The following SLCO5A1 variants were observed in gnomAD, a reference collection of about 807,000 sequenced individuals.
The protein encoded by SLCO5A1 is solute carrier organic anion transporter family member 5A1.
SLCO5A1 carries 39 observed loss-of-function variants against 65.1 expected under a neutral mutation model. That is an observed-to-expected ratio of 0.60 (90% confidence interval 0.46 to 0.78). SLCO5A1 has a LOEUF of 0.78. Ranked by LOEUF, SLCO5A1 falls within the 30% of genes least tolerant of loss-of-function variation. The pLI, the probability that SLCO5A1 is intolerant of heterozygous loss-of-function variation, is 0.00. For missense variants in SLCO5A1, 1,029 were observed against 1,069.4 expected (o/e 0.96, Z 0.53); for synonymous variants, 438 against 415.7 (o/e 1.05, Z -0.65).
At chr8:69,704,986 C>T in intron 6 of SLCO5A1, 45 bp downstream of exon 6, 1 of 1,568,868 alleles carries the variant, frequency 6.4e-7, no homozygotes, top group Non-Finnish European at 8.7e-7. Flanking sequence ...CAGGGCTTTG[C>T]ACCTCCATCG....
In SLCO5A1 at chr8:69,672,732, G is replaced by GA. The variant is rs1334390386; in HGVS notation, c.*136_*137insT. ...CCAGCCCTCAATGAATAGCGGCTGT[G>GA]TATACTGAGTTTTGTTGGTTTGAGG... On this transcript the variant is annotated 3_prime_UTR_variant, in exon 10 of 10. Coordinates refer to ENST00000260126, the MANE Select transcript of SLCO5A1 (RefSeq NM_030958.3). 3 of 908,800 alleles carry GA rather than the reference G, an allele frequency of 3.3e-6. No individual in the cohort carries two copies. Among genetic ancestry groups the GA allele is most frequent in the Non-Finnish European group, 4.8e-6 (3 of 619,456 alleles). 56.3% of individuals were successfully genotyped at this position (908,800 alleles called of 1,614,324 possible).
intron 2 of SLCO5A1, among the ~76,000 whole-genome samples, chr8:69,772,731 G>A (rs1470467877): frequency 2.0e-5 from 3 of 151,824 alleles, no homozygotes; most frequent in Non-Finnish European, 2.9e-5. Flanking sequence ...GAAACTGAGG[G>A]GCCCAATCAA....
intron 2 of SLCO5A1, among the ~76,000 whole-genome samples, chr8:69,785,575 A>G (rs1471635528): frequency 6.6e-6 from 1 of 152,232 alleles, no homozygotes; most frequent in African/African-American, 2.4e-5. Flanking sequence ...TATCTGAAAT[A>G]TAAGTTTAGT....
intron 5 of SLCO5A1, among the ~76,000 whole-genome samples, chr8:69,730,445 G>C (rs1438828195): frequency 1.3e-5 from 2 of 152,184 alleles, no homozygotes; most frequent in East Asian, 3.8e-4. Context: ...GAATTATAGA[G>C]TTCATTTCAG....
chr8:69,832,394 C>A lies in SLCO5A1; in HGVS notation c.280G>T (p.Asp94Tyr), dbSNP rs755961691. ...SAPSTSAGLGDCNHRVDLSKT... is the reference protein window; with the variant it reads ...SAPSTSAGLGYCNHRVDLSKT... ...CTGAGGTCCACCCTGTGGTTACAGT[C>A]CCCGAGCCCCGCCGAAGTGGACGGG... is the stretch of plus-strand genomic sequence containing the variant. Residue 94 changes from aspartate to tyrosine, a missense_variant, in exon 2 of 10, where the codon GAC (aspartate) becomes TAC (tyrosine). Asp to Tyr is a radical substitution (Grantham distance 160). This residue lies in a region of SLCO5A1 where 647 missense variants were observed against 647.5 expected (regional missense o/e 1.00). Coordinates refer to ENST00000260126, the MANE Select transcript of SLCO5A1 (RefSeq NM_030958.3). This position sits in a 1 kb window ranked among gnomAD's most constrained non-coding sequence, Gnocchi z 4.5. 3.7e-6 allele frequency: 6 copies of A among 1,612,158 alleles called. No individual in the cohort carries two copies. The highest frequency in any genetic ancestry group is 3.4e-6 in the Non-Finnish European group (4 of 1,179,196).
chr8:69,726,054 T>C (rs1563685519), intron 5 of SLCO5A1, among the ~76,000 whole-genome samples: 1 of 152,218 alleles, frequency 6.6e-6, no homozygotes, highest in East Asian at 1.9e-4. Flanking sequence ...TCCACATAAG[T>C]AGGTCATGTT....
At chr8:69,756,426 G>A (rs894434337) in intron 3 of SLCO5A1, among the ~76,000 whole-genome samples, 6 of 152,052 alleles carry the variant, frequency 3.9e-5, no homozygotes, top group African/African-American at 1.4e-4. Context: ...AAAAGAGAAT[G>A]TATTGCCTCC....
chr8:69,690,718 G>A (rs1481909864), intron 6 of SLCO5A1, among the ~76,000 whole-genome samples: 2 of 152,128 alleles, frequency 1.3e-5, no homozygotes, highest in Admixed American at 6.5e-5. Context: ...GAAATATTTC[G>A]GAGCTGGGTG....
intron 4 of SLCO5A1, among the ~76,000 whole-genome samples, chr8:69,750,917 C>G (rs1273197466): frequency 1.3e-5 from 2 of 152,182 alleles, no homozygotes; most frequent in Non-Finnish European, 2.9e-5. Context: ...AGTGAACATT[C>G]AGTGAATTCA....
chr8:69,723,859 G>A (rs556644453), intron 5 of SLCO5A1, among the ~76,000 whole-genome samples: 56 of 148,108 alleles, frequency 3.8e-4, no homozygotes, highest in South Asian at 1.1e-3. Context: ...TGCAACCTCC[G>A]CCTCCCGGGT....
chr8:69,709,818 A>G (rs1815145518), intron 5 of SLCO5A1, among the ~76,000 whole-genome samples: 1 of 152,164 alleles, frequency 6.6e-6, no homozygotes. Context: ...AAGAATATGT[A>G]ATAGAGGGTA....
At chr8:69,720,258 A>G (rs1056170231) in intron 5 of SLCO5A1, among the ~76,000 whole-genome samples, 1 of 152,264 alleles carries the variant, frequency 6.6e-6, no homozygotes, top group African/African-American at 2.4e-5. Context: ...CATGTGAACC[A>G]GCAAAGGAAG....
chr8:69,724,058 C>T (rs991124609), intron 5 of SLCO5A1, among the ~76,000 whole-genome samples: 3 of 152,180 alleles, frequency 2.0e-5, no homozygotes, highest in Admixed American at 6.5e-5. Flanking sequence ...CAGGTGTGAA[C>T]CACCATGCCG....
intron 5 of SLCO5A1, among the ~76,000 whole-genome samples, chr8:69,736,521 G>A (rs768193972): frequency 6.6e-6 from 1 of 152,142 alleles, no homozygotes; most frequent in Non-Finnish European, 1.5e-5. Flanking sequence ...CTGGAACTGG[G>A]GCACACAGTA....
At chr8:69,687,021 A>G (rs1368287912) in intron 6 of SLCO5A1, among the ~76,000 whole-genome samples, 1 of 146,132 alleles carries the variant, frequency 6.8e-6, no homozygotes, top group Admixed American at 6.8e-5. Flanking sequence ...TGTGCCTGGG[A>G]CATAACACGC....
intron 5 of SLCO5A1, among the ~76,000 whole-genome samples, chr8:69,707,986 T>C (rs1026060276): frequency 3.9e-5 from 6 of 152,168 alleles, no homozygotes; most frequent in Non-Finnish European, 7.3e-5. Context: ...GGGGGATTTA[T>C]AGCCAGGAGA....
At chr8:69,782,839 A>T (rs911298716) in intron 2 of SLCO5A1, among the ~76,000 whole-genome samples, 6 of 152,186 alleles carry the variant, frequency 3.9e-5, no homozygotes, top group African/African-American at 1.4e-4. Context: ...AAAAATTTTT[A>T]AAGTAATATT....
chr8:69,811,004 A>G (rs1820183784), intron 2 of SLCO5A1, among the ~76,000 whole-genome samples: 1 of 152,168 alleles, frequency 6.6e-6, no homozygotes, highest in African/African-American at 2.4e-5. Context: ...CTGCATTTCC[A>G]GGGCATTGGC....
chr8:69,762,230 A>G (rs1312937264), intron 2 of SLCO5A1, among the ~76,000 whole-genome samples: 1 of 148,376 alleles, frequency 6.7e-6, no homozygotes, highest in East Asian at 2.0e-4. Flanking sequence ...TCTGTCACCC[A>G]GGTTGGAGTG....
Sources: allele counts gnomAD v4.1 joint callset (sites outside exome capture counted in the v4.1 genomes callset), GRCh38; gene constraint gnomAD v4.1.1; regional missense constraint gnomAD v4.1.1; non-coding constraint Gnocchi (gnomAD v3.1); transcripts MANE v1.5; gene names NCBI Gene and HGNC (gene_info 2026-07-23, HGNC 2026-07-21).